MICAL3: variants seen among roughly 807,000 people sequenced by gnomAD.
MICAL3 encodes the protein microtubule associated monooxygenase, calponin and LIM domain containing 3, also known as [F-actin]-monooxygenase MICAL3.
MICAL3 carries 62 observed loss-of-function variants against 207.4 expected under a neutral mutation model. The ratio of observed to expected loss-of-function variants is 0.30; its 90% confidence interval spans 0.24 to 0.37. The LOEUF is 0.37. MICAL3 is among the 10% of genes least tolerant of loss of function. The pLI is 1.00. For missense variants in MICAL3, 2,368 were observed against 2,635.6 expected (o/e 0.90, Z 2.22); for synonymous variants, 1,077 against 1,069.3 (o/e 1.01, Z -0.14).
At chr22:17,821,359 A>G in intron 25 of MICAL3, 68 bp downstream of exon 25, 1 of 1,379,742 alleles carries the variant, frequency 7.2e-7, no homozygotes, top group East Asian at 2.7e-5. Flanking sequence ...CCTGAAACAG[A>G]GAAGTTAATA....
chr22:17,855,768 A>G (rs959302660), intron 19 of MICAL3, among the ~76,000 whole-genome samples: 2 of 152,142 alleles, frequency 1.3e-5, no homozygotes, highest in African/African-American at 4.8e-5. Context: ...CACATTCCCA[A>G]CTCTGGGATG....
At chr22:17,928,448 G>A (rs5747423) in intron 1 of MICAL3, among the ~76,000 whole-genome samples, 57,759 of 142,432 alleles carry the variant, frequency 0.41, 11,729 homozygotes, top group South Asian at 0.5. Flanking sequence ...CAAAAAAAAA[G>A]AAAGAAAGAA....
chr22:17,976,810 CTTTT>C (rs1197811898), intron 1 of MICAL3, among the ~76,000 whole-genome samples: 1 of 120,006 alleles, frequency 8.3e-6, no homozygotes, highest in Non-Finnish European at 1.7e-5. Context: ...GAGACTTCTT[CTTTT>C]TTTTTTTTTT....
At chr22:17,879,666 G>A (rs1929239578) in intron 16 of MICAL3, among the ~76,000 whole-genome samples, 1 of 152,146 alleles carries the variant, frequency 6.6e-6, no homozygotes, top group Non-Finnish European at 1.5e-5. Context: ...TTAGTACAAA[G>A]GTGGAACAAG....
At chr22:17,810,984 C>T (rs150215243) in intron 27 of MICAL3, 171 bp from the exon 28 acceptor site, 6,403 of 580,508 alleles carry the variant, frequency 0.011, 76 homozygotes, top group Middle Eastern at 0.039. Flanking sequence ...GACGGGGGTG[C>T]TGATAGGCAG....
chr22:17,873,638 G>T (rs1927951567), intron 16 of MICAL3, among the ~76,000 whole-genome samples: 1 of 152,224 alleles, frequency 6.6e-6, no homozygotes, highest in South Asian at 2.1e-4. Flanking sequence ...TCTAGGCCAG[G>T]AGGGCTTATT....
chr22:17,887,643 C>A (rs1930043193), intron 13 of MICAL3, among the ~76,000 whole-genome samples: 1 of 152,188 alleles, frequency 6.6e-6, no homozygotes, highest in South Asian at 2.1e-4. Context: ...TTTTGTTCAT[C>A]CACATAAACA....
At chr22:17,852,371 G>A (rs1480229121) in intron 19 of MICAL3, among the ~76,000 whole-genome samples, 1 of 150,794 alleles carries the variant, frequency 6.6e-6, no homozygotes, top group Admixed American at 6.6e-5. Context: ...GAGAAACATC[G>A]ATCACAGTCA....
At chr22:18,004,285 G>A (rs1416299499) in intron 1 of MICAL3, 1 of 134,916 alleles carries the variant, frequency 7.4e-6, no homozygotes, top group East Asian at 2.1e-4. Flanking sequence ...TTTTTCTTTT[G>A]AGACTGAGTT....
rs368877375 is a variant in MICAL3 at position 17,895,453 on chromosome 22, A to C, written c.1323-43T>G. ...TATACTCAGAATCGGGACCAGCACCATGAACATCTCCCTCTCGTTTCATGA... is the reference window on the plus strand; with the variant it reads ...TATACTCAGAATCGGGACCAGCACCCTGAACATCTCCCTCTCGTTTCATGA... On this transcript the variant is annotated intron_variant, in intron 9 of 31. Coordinates refer to ENST00000441493, the MANE Select transcript of MICAL3 (RefSeq NM_015241.3). 1.1e-5 allele frequency: 17 copies of C among 1,607,930 alleles called. No individual in the cohort carries two copies. In the African/African-American group the frequency reaches 1.6e-4, roughly 15 times the overall value.
chr22:17,904,189 A>G (rs928069416), intron 3 of MICAL3, among the ~76,000 whole-genome samples: 1 of 152,224 alleles, frequency 6.6e-6, no homozygotes, highest in African/African-American at 2.4e-5. Flanking sequence ...GTGTCCCCAC[A>G]GCACTTTGTT....
intron 1 of MICAL3, among the ~76,000 whole-genome samples, chr22:17,973,207 T>G (rs560212143): frequency 2.1e-3 from 319 of 152,318 alleles, no homozygotes; most frequent in Non-Finnish European, 3.5e-3. Context: ...TACCACCCTC[T>G]TCACTCATGC....
rs927764540 is a variant in MICAL3, at chr22:17,796,038, G to C, written c.5651-4737C>G. The stretch of plus-strand genomic sequence containing the variant: ...GTTTTTTGGTTTTTCTCAACATCAG[G>C]GTAACGGGTTTCCATCTGTTGCTAA... On this transcript the variant is annotated intron_variant, in intron 29 of 31. Transcript: ENST00000441493. This position sits in a 1 kb window ranked among gnomAD's most constrained non-coding sequence, Gnocchi z 4.4. Among the ~76,000 whole-genome samples the C allele has an allele frequency of 6.6e-6, 1 of 152,144 alleles. No individual in the cohort carries two copies. The highest frequency in any genetic ancestry group is 6.5e-5 in the Admixed American group (1 of 15,282).
At position 17,789,861 on chromosome 22, in the gene MICAL3, T is replaced by A. The variant is rs1446270591; in HGVS notation, c.*871A>T. On this transcript the variant is annotated 3_prime_UTR_variant, in exon 32 of 32. Transcript: ENST00000441493. ...AAAGGGTTTGAAGCGGCTGAGCGTC[T>A]TGCCAGGTTGTCAGCTTCATTTCAA... The A allele has an allele frequency of 1.3e-5, 2 of 152,234 alleles. No individual in the cohort carries two copies. Among genetic ancestry groups the A allele is most frequent in the African/African-American group, 2.4e-5 (1 of 41,454 alleles). The allele number at this position is 152,234 out of a possible 1,614,324, so 9.4% of individuals were successfully genotyped here.
At chr22:17,804,349 C>T (rs1379374317) in intron 29 of MICAL3, among the ~76,000 whole-genome samples, 4 of 152,214 alleles carry the variant, frequency 2.6e-5, no homozygotes, top group African/African-American at 9.6e-5. Flanking sequence ...GCAGTCAGTG[C>T]TCTCCCAGGA....
chr22:17,856,070 A>T (rs1268751563), intron 19 of MICAL3, among the ~76,000 whole-genome samples: 1 of 152,218 alleles, frequency 6.6e-6, no homozygotes, highest in Non-Finnish European at 1.5e-5. Context: ...GGTCAGCTAC[A>T]CAAAGCATCT....
intron 1 of MICAL3, among the ~76,000 whole-genome samples, chr22:17,998,542 AT>A (rs1487496346): frequency 2.9e-5 from 4 of 139,134 alleles, no homozygotes; most frequent in Non-Finnish European, 6.2e-5. Context: ...CATAATAATA[AT>A]AATAATTATT....
intron 1 of MICAL3, among the ~76,000 whole-genome samples, chr22:18,001,779 G>C (rs915581604): frequency 6.6e-6 from 1 of 152,260 alleles, no homozygotes; most frequent in Non-Finnish European, 1.5e-5. Flanking sequence ...AGCCCAACGG[G>C]AGACGGGAAA....
At chr22:17,833,200 T>C (rs529728746) in intron 20 of MICAL3, among the ~76,000 whole-genome samples, 1 of 152,366 alleles carries the variant, frequency 6.6e-6, no homozygotes, top group South Asian at 2.1e-4. Flanking sequence ...CCTTGCAACC[T>C]GTGGGGCTCC....
Sources: gnomAD v4.1 joint callset for allele counts (sites outside exome capture counted in the v4.1 genomes callset) on GRCh38, gnomAD v4.1.1 for gene constraint, Gnocchi (gnomAD v3.1) non-coding constraint, MANE v1.5 for transcripts, NCBI Gene and HGNC (gene_info 2026-07-23, HGNC 2026-07-21) for gene names.